The following THSD7A variants were observed in gnomAD, a reference collection of about 807,000 sequenced individuals.
THSD7A encodes thrombospondin type-1 domain-containing protein 7A.
A neutral mutation model predicts 231.3 loss-of-function variants in THSD7A; 96 were observed. The ratio of observed to expected loss-of-function variants is 0.41; its 90% confidence interval spans 0.35 to 0.49. The LOEUF is 0.49. Among genes scored for constraint, THSD7A ranks in the 20% least tolerant of loss-of-function variants. The pLI is 0.05. For synonymous variants in THSD7A, 940 were observed against 743.3 expected (o/e 1.26, Z -4.30); for missense variants, 2,290 against 2,070.2 (o/e 1.11, Z -2.06).
chr7:11,544,048 A>G (rs1049250229), intron 4 of THSD7A, among the ~76,000 whole-genome samples: 1 of 152,254 alleles, frequency 6.6e-6, no homozygotes, highest in African/African-American at 2.4e-5. Flanking sequence ...GTTTTAAAAA[A>G]AAATCTAATA....
intron 4 of THSD7A, among the ~76,000 whole-genome samples, chr7:11,556,150 T>C (rs29): frequency 0.47 from 71,734 of 151,170 alleles, 17,369 homozygotes; most frequent in Middle Eastern, 0.6. Flanking sequence ...ATTTTCCCTG[T>C]CTTCCTGTGA....
At chr7:11,425,763 C>CACACACA (rs1340505769) in intron 15 of THSD7A, among the ~76,000 whole-genome samples, 4 of 149,818 alleles carry the variant, frequency 2.7e-5, no homozygotes, top group African/African-American at 9.7e-5. Flanking sequence ...CACACACACA[C>CACACACA]ACTGAGAGAC....
chr7:11,439,266 C>T (rs952030586), intron 13 of THSD7A, among the ~76,000 whole-genome samples: 1 of 151,780 alleles, frequency 6.6e-6, no homozygotes, highest in Non-Finnish European at 1.5e-5. Context: ...ACAGGTATAC[C>T]TTATTTTATT....
rs1784920963 is a variant in THSD7A, at chr7:11,444,975, ACTT to A, written c.3064+1083_3064+1085del. Among the ~76,000 whole-genome samples, 1 of 149,630 alleles carries A rather than the reference ACTT, an allele frequency of 6.7e-6. No individual in the cohort carries two copies. The highest frequency in any genetic ancestry group is 2.4e-5 in the African/African-American group (1 of 40,990). On this transcript the variant is annotated intron_variant, in intron 13 of 27. Transcript: ENST00000423059. The surrounding 1 kb of genome is among the most constrained non-coding windows in gnomAD (Gnocchi z 4.2). ...TATATGTATATATATATTAAATGAA[ACTT>A]CTTTGTAGTGAGATGTTTAAGAGAT...
intron 1 of THSD7A, among the ~76,000 whole-genome samples, chr7:11,693,507 C>T (rs75397938): frequency 1.2e-3 from 180 of 151,586 alleles, no homozygotes; most frequent in Non-Finnish European, 2.0e-3. Context: ...AGATTAACAT[C>T]TAGTCTTTGT....
At chr7:11,672,653 T>C (rs1783439436) in intron 1 of THSD7A, among the ~76,000 whole-genome samples, 1 of 152,164 alleles carries the variant, frequency 6.6e-6, no homozygotes, top group African/African-American at 2.4e-5. Context: ...TTTGATTTCA[T>C]AGTATCACAC....
chr7:11,456,105 A>C (rs1160327328), intron 11 of THSD7A, among the ~76,000 whole-genome samples: 1 of 152,052 alleles, frequency 6.6e-6, no homozygotes, highest in Non-Finnish European at 1.5e-5. Flanking sequence ...ACTGAATCAT[A>C]ATAGGTGACC....
chr7:11,439,223 TAAA>T (rs1230564714), intron 13 of THSD7A, among the ~76,000 whole-genome samples: 3 of 152,020 alleles, frequency 2.0e-5, no homozygotes, highest in Non-Finnish European at 4.4e-5. Context: ...TAAAACTTGA[TAAA>T]GAAACAATGT....
chr7:11,571,953 A>C (rs1384774437), intron 4 of THSD7A, among the ~76,000 whole-genome samples: 1 of 151,502 alleles, frequency 6.6e-6, no homozygotes, highest in Non-Finnish European at 1.5e-5. Flanking sequence ...TTTTAACTGA[A>C]TTTGAGATTT....
intron 8 of THSD7A, among the ~76,000 whole-genome samples, chr7:11,471,617 G>A (rs538446014): frequency 2.2e-4 from 34 of 151,810 alleles, no homozygotes; most frequent in South Asian, 1.0e-3. Context: ...AAATATTTAA[G>A]GATTCAACAT....
At chr7:11,467,457 C>T (rs769207021) in intron 9 of THSD7A, among the ~76,000 whole-genome samples, 1 of 151,984 alleles carries the variant, frequency 6.6e-6, no homozygotes, top group Non-Finnish European at 1.5e-5. Flanking sequence ...CATTAGTGTG[C>T]TAGTTATATA....
intron 1 of THSD7A, among the ~76,000 whole-genome samples, chr7:11,769,142 TATATATATA>T (rs1259379611): frequency 1.5e-4 from 10 of 64,910 alleles, no homozygotes; most frequent in African/African-American, 5.2e-4. Context: ...TATATATATA[TATATATATA>T]TATTTTTTTT....
chr7:11,770,892 C>A (rs1249834887), intron 1 of THSD7A, among the ~76,000 whole-genome samples: 2 of 151,430 alleles, frequency 1.3e-5, no homozygotes, highest in Non-Finnish European at 1.5e-5. Flanking sequence ...TTTAAAAAAT[C>A]AAAAATAATA....
chr7:11,511,537 C>T (rs1162906003), intron 6 of THSD7A, among the ~76,000 whole-genome samples: 7 of 152,030 alleles, frequency 4.6e-5, no homozygotes, highest in South Asian at 2.1e-4. Flanking sequence ...CAAACTATAC[C>T]ACAAGGCTAC....
At chr7:11,526,958 A>G (rs778524971) in intron 6 of THSD7A, among the ~76,000 whole-genome samples, 4 of 152,210 alleles carry the variant, frequency 2.6e-5, no homozygotes, top group Non-Finnish European at 4.4e-5. Context: ...TACAGCAAGC[A>G]CAATAAATGT....
At chr7:11,758,010 C>CATATATAT (rs3037680) in intron 1 of THSD7A, among the ~76,000 whole-genome samples, 1,826 of 142,688 alleles carry the variant, frequency 0.013, 19 homozygotes, top group South Asian at 0.043. Flanking sequence ...CATATGCATT[C>CATATATAT]ATATATATAT....
chr7:11,829,933 T>G (rs1785146675), intron 1 of THSD7A, among the ~76,000 whole-genome samples: 1 of 152,152 alleles, frequency 6.6e-6, no homozygotes, highest in Non-Finnish European at 1.5e-5. Context: ...TACATTTGCA[T>G]ACAGCTTTGA....
intron 1 of THSD7A, among the ~76,000 whole-genome samples, chr7:11,803,284 T>C (rs760731308): frequency 9.2e-5 from 14 of 152,142 alleles, no homozygotes; most frequent in Non-Finnish European, 1.8e-4. Context: ...CAATATTTTA[T>C]AGTGGAGAAA....
chr7:11,748,258 G>C (rs1333843227), intron 1 of THSD7A, among the ~76,000 whole-genome samples: 4 of 151,838 alleles, frequency 2.6e-5, no homozygotes, highest in Non-Finnish European at 4.4e-5. Flanking sequence ...GATTAAATTT[G>C]AATAGTAACA....
Sources: allele counts gnomAD v4.1 joint callset (sites outside exome capture counted in the v4.1 genomes callset), GRCh38; gene constraint gnomAD v4.1.1; non-coding constraint Gnocchi (gnomAD v3.1); transcripts MANE v1.5; gene names NCBI Gene and HGNC (gene_info 2026-07-23, HGNC 2026-07-21).